MYO7B: variants seen among roughly 807,000 people sequenced by gnomAD.
MYO7B encodes the protein myosin VIIB.
MYO7B carries 212 observed loss-of-function variants against 259.7 expected under a neutral mutation model. The ratio of observed to expected loss-of-function variants is 0.82; its 90% confidence interval spans 0.73 to 0.91. MYO7B has a LOEUF of 0.91. Among genes scored for constraint, MYO7B ranks in the 40% least tolerant of loss-of-function variants. MYO7B has a pLI of 0.00. For synonymous variants in MYO7B, 1,197 were observed against 1,166.4 expected, an observed-to-expected ratio of 1.03 and a Z score of -0.54; for missense variants, 2,732 against 2,813.5, an observed-to-expected ratio of 0.97 and a Z score of 0.66.
At chr2:127,548,959 G>A (rs938567677) in intron 1 of MYO7B, among the ~76,000 whole-genome samples, 9 of 152,012 alleles carry the variant, frequency 5.9e-5, no homozygotes, top group East Asian at 1.9e-4. Context: ...CATACTTTGC[G>A]TGTATTTTGA....
intron 26 of MYO7B, among the ~76,000 whole-genome samples, chr2:127,618,041 C>T (rs1279539239): frequency 1.3e-5 from 2 of 151,898 alleles, no homozygotes; most frequent in East Asian, 3.9e-4. Flanking sequence ...CTTTCCCTAG[C>T]TCTCTCTATT....
Position 127,586,287 on chromosome 2 carries a change from C to T in MYO7B, c.1690+1374C>T, listed in dbSNP as rs2104949353. Among the ~76,000 whole-genome samples, 1 of 152,238 alleles carries T rather than the reference C, an allele frequency of 6.6e-6. No homozygotes were observed. Among genetic ancestry groups the T allele is most frequent in the South Asian group, 2.1e-4 (1 of 4,820 alleles). Reference sequence around the variant, plus strand: ...TGAAGAAGTGAAGGCCTGGGGTGGTCACCCTATGGGTGTGCCAAGAAAAAC... The same window carrying T: ...TGAAGAAGTGAAGGCCTGGGGTGGTTACCCTATGGGTGTGCCAAGAAAAAC... On this transcript the variant is annotated intron_variant, in intron 14 of 47. Transcript: ENST00000409816. The surrounding 1 kb of genome is among the most constrained non-coding windows in gnomAD (Gnocchi z 4.8).
intron 19 of MYO7B, among the ~76,000 whole-genome samples, chr2:127,604,297 C>G (rs1228222676): frequency 1.3e-5 from 2 of 152,204 alleles, no homozygotes; most frequent in East Asian, 3.8e-4. Context: ...ATGACCCAAA[C>G]TTTGCTAGCT....
chr2:127,627,656 G>A lies in MYO7B; in HGVS notation c.4460+346G>A, dbSNP rs1400630027. The A allele has an allele frequency of 1.7e-5, 8 of 469,206 alleles. No individual in the cohort carries two copies. The highest frequency in any genetic ancestry group is 9.3e-5 in the Admixed American group (4 of 42,912). The allele number at this position is 469,206 out of a possible 1,614,324, so 29.1% of individuals were successfully genotyped here. A position where few individuals can be genotyped will look rare whatever the true frequency, so the allele number is the denominator to read the frequency against. On this transcript the variant is annotated intron_variant, in intron 33 of 47. Coordinates refer to ENST00000409816, the MANE Select transcript of MYO7B (RefSeq NM_001393586.1). This position sits in a 1 kb window ranked among gnomAD's most constrained non-coding sequence, Gnocchi z 5.6. The stretch of plus-strand genomic sequence containing the variant: ...ATGGACGAGAACTGGTGGCCTGGAG[G>A]GTACAGGTTGTCTGGGAAGGCGACA...
chr2:127,542,114 AG>A (rs1171981053), intron 1 of MYO7B, among the ~76,000 whole-genome samples: 5 of 152,254 alleles, frequency 3.3e-5, no homozygotes, highest in Non-Finnish European at 2.9e-5. Flanking sequence ...AACATCTCGC[AG>A]GGACATATAT....
Position 127,609,429 on chromosome 2 carries a change from C to G in MYO7B, c.2815-77C>G, listed in dbSNP as rs1015813952. The G allele has an allele frequency of 6.4e-5, 87 of 1,369,448 alleles. No individual in the cohort carries two copies. The highest frequency in any genetic ancestry group is 8.1e-5 in the Non-Finnish European group (80 of 985,050). The allele number at this position is 1,369,448 out of a possible 1,614,324, so 84.8% of individuals were successfully genotyped here. A position where few individuals can be genotyped will look rare whatever the true frequency, so the allele number is the denominator to read the frequency against. On this transcript the variant is annotated intron_variant, in intron 22 of 47. Transcript: ENST00000409816. The surrounding 1 kb of genome is among the most constrained non-coding windows in gnomAD (Gnocchi z 6.9). ...ATGCAACAGCCCCCGTGCTGCCCGGCCTGCTGGACAGTCAGCTGATGGGTT... is the reference window on the plus strand; with the variant it reads ...ATGCAACAGCCCCCGTGCTGCCCGGGCTGCTGGACAGTCAGCTGATGGGTT...
chr2:127,636,129 G>T lies in MYO7B; in HGVS notation c.6007-79G>T. ...CCCCTCCCCACCGTACTAGCCCTGG[G>T]GTAGGCAGGTGCTGCCCCCACCAGG... On this transcript the variant is annotated intron_variant, in intron 44 of 47. Transcript: ENST00000409816. This position sits in a 1 kb window ranked among gnomAD's most constrained non-coding sequence, Gnocchi z 4.5. 2 of 1,250,108 alleles carry T rather than the reference G, an allele frequency of 1.6e-6. No individual in the cohort carries two copies. The highest frequency in any genetic ancestry group is 3.9e-4 in the Middle Eastern group (2 of 5,170). The allele number at this position is 1,250,108 out of a possible 1,614,324, so 77.4% of individuals were successfully genotyped here. A position where few individuals can be genotyped will look rare whatever the true frequency, so the allele number is the denominator to read the frequency against.
intron 15 of MYO7B, 102 bp downstream of exon 15, chr2:127,588,657 C>A (rs986796455): frequency 3.4e-5 from 48 of 1,396,222 alleles, no homozygotes; most frequent in African/African-American, 5.7e-5. Context: ...GGGTCCACAG[C>A]ATGCAGTTGG....
In MYO7B at chr2:127,577,132, G is replaced by A. The variant is rs570144760; in HGVS notation, c.849+424G>A. On this transcript the variant is annotated intron_variant, in intron 8 of 47. Coordinates refer to ENST00000409816, the MANE Select transcript of MYO7B (RefSeq NM_001393586.1). This position sits in a 1 kb window ranked among gnomAD's most constrained non-coding sequence, Gnocchi z 5.2. ...CCTTCCTGTGCTCCCAGCTGCACCC[G>A]CCACCTAGGACAGGGCGGCACCACA... is the stretch of plus-strand genomic sequence containing the variant. Among the ~76,000 whole-genome samples, 23 of 152,206 alleles carry A rather than the reference G, an allele frequency of 1.5e-4. No homozygotes were observed. The highest frequency in any genetic ancestry group is 3.9e-4 in the East Asian group (2 of 5,168).
At position 127,637,518 on chromosome 2, in the gene MYO7B, C is replaced by G; in HGVS notation, c.*101C>G. The G allele has an allele frequency of 3.4e-6, 3 of 890,280 alleles. No homozygotes were observed. Among genetic ancestry groups the G allele is most frequent in the East Asian group, 2.7e-5 (1 of 37,172 alleles). The allele number at this position is 890,280 out of a possible 1,614,324, so 55.1% of individuals were successfully genotyped here. ...CCCAGGGCCTGTCCTTGGCGGGCAG[C>G]CTTCCATGCTGCCCCCCATACAAAG... On this transcript the variant is annotated 3_prime_UTR_variant, in exon 48 of 48. Transcript: ENST00000409816.
At chr2:127,603,448 T>G (rs1042825821) in intron 19 of MYO7B, among the ~76,000 whole-genome samples, 1 of 152,248 alleles carries the variant, frequency 6.6e-6, no homozygotes, top group Non-Finnish European at 1.5e-5. Flanking sequence ...CTTGTATGTC[T>G]TCATCAGAGT....
rs772019402 is a variant in MYO7B, at chr2:127,631,330, G to A, written c.5062G>A (p.Asp1688Asn). 15 of 1,610,512 alleles carry A rather than the reference G, an allele frequency of 9.3e-6. No individual in the cohort carries two copies. Among genetic ancestry groups the A allele is most frequent in the East Asian group, 4.5e-5 (2 of 44,802 alleles). ...PLLKRVHANV[D>N]LWDIACQIFV... ...GCTCAAGCGAGTCCACGCCAACGTCGACCTCTGGGACATCGCCTGCCAGAT... is the reference window on the plus strand; with the variant it reads ...GCTCAAGCGAGTCCACGCCAACGTCAACCTCTGGGACATCGCCTGCCAGAT... The change falls in exon 37 of 48, where the codon GAC (aspartate) becomes AAC (asparagine). Residue 1688 changes from aspartate to asparagine, a missense_variant. This residue lies in a region of MYO7B where 821 missense variants were observed against 769.3 expected (regional missense o/e 1.07). Coordinates refer to ENST00000409816, the MANE Select transcript of MYO7B (RefSeq NM_001393586.1).
At chr2:127,603,197 A>T (rs1483403206) in intron 19 of MYO7B, among the ~76,000 whole-genome samples, 2 of 152,126 alleles carry the variant, frequency 1.3e-5, no homozygotes, top group East Asian at 3.8e-4. Flanking sequence ...ATTCCTGTTA[A>T]TGTTGATATT....
At chr2:127,633,563 C>T (rs1396022607) in intron 40 of MYO7B, among the ~76,000 whole-genome samples, 200 bp downstream of exon 40, 2 of 152,176 alleles carry the variant, frequency 1.3e-5, no homozygotes, top group Non-Finnish European at 2.9e-5. Flanking sequence ...AGGCCAGTCC[C>T]AAGGTATGAG....
Position 127,562,482 on chromosome 2 carries a change from G to GTTTTTTTTTT in MYO7B, c.19-1656_19-1647dup, listed in dbSNP as rs56290548. Among the ~76,000 whole-genome samples, 59 of 61,196 alleles carry GTTTTTTTTTT rather than the reference G, an allele frequency of 9.6e-4. 3 individuals are homozygous for GTTTTTTTTTT. The highest frequency in any genetic ancestry group is 1.7e-3 in the South Asian group (2 of 1,200). 40.1% of individuals were successfully genotyped at this position (61,196 alleles called of 152,430 possible). The stretch of plus-strand genomic sequence containing the variant: ...CAGCTAATTTTTGTGGGGTTTTATT[G>GTTTTTTTTTT]TTTTTTTTTTTTTTTTTTTTTTTTG... On this transcript the variant is annotated intron_variant, in intron 2 of 47. Transcript: ENST00000409816.
chr2:127,629,093 T>C (rs1464119693), intron 34 of MYO7B, among the ~76,000 whole-genome samples: 2 of 152,182 alleles, frequency 1.3e-5, no homozygotes, highest in Admixed American at 1.3e-4. Context: ...CGGGTGGTCA[T>C]GGGCGGTGGG....
At chr2:127,596,678 C>A in intron 19 of MYO7B, 122 bp downstream of exon 19, 3 of 721,522 alleles carry the variant, frequency 4.2e-6, no homozygotes, top group Non-Finnish European at 7.3e-6. Flanking sequence ...TTACTGAGAT[C>A]TTCCAATGCC....
rs1228993592 is a variant in MYO7B at position 127,612,591 on chromosome 2, G to A, written c.3386G>A (p.Arg1129Gln). 14 of 1,609,830 alleles carry A rather than the reference G, an allele frequency of 8.7e-6. No individual in the cohort carries two copies. The highest frequency in any genetic ancestry group is 1.7e-5 in the Admixed American group (1 of 59,726). The change falls in exon 26 of 48, where the codon CGG becomes CAG. Residue 1129 changes from arginine (R) to glutamine (Q), a missense_variant. By Grantham distance (43) the Arg-to-Gln change is conservative. Transcript: ENST00000409816. Reference sequence around the variant, plus strand: ...TTCATCGTGGGCTACGCCATCCTGCGGCCCAGCCTCAGGTCAGTTCCCACT... The same window carrying A: ...TTCATCGTGGGCTACGCCATCCTGCAGCCCAGCCTCAGGTCAGTTCCCACT... ...VHFIVGYAILRPSLRDEIYCQ... is the reference protein window; with the variant it reads ...VHFIVGYAILQPSLRDEIYCQ...
chr2:127,633,463 G>A (rs929164148), intron 40 of MYO7B, 100 bp downstream of exon 40: 69 of 1,179,954 alleles, frequency 5.8e-5, no homozygotes, highest in Non-Finnish European at 7.8e-5. Flanking sequence ...ACCCCAGAGA[G>A]CCTTTTCTAG....
Sources: gnomAD v4.1 joint callset for allele counts (sites outside exome capture counted in the v4.1 genomes callset) on GRCh38, gnomAD v4.1.1 for gene constraint, gnomAD v4.1.1 regional missense constraint, Gnocchi (gnomAD v3.1) non-coding constraint, MANE v1.5 for transcripts, NCBI Gene and HGNC (gene_info 2026-07-23, HGNC 2026-07-21) for gene names.